The following CACNA1A variants were observed in gnomAD, a reference collection of about 807,000 sequenced individuals.
CACNA1A encodes calcium voltage-gated channel subunit alpha1 A.
Under a neutral mutation model 262.4 loss-of-function variants are expected in CACNA1A, and 57 were observed. The observed-to-expected ratio is 0.22, with a 90% CI of 0.18 to 0.27. CACNA1A has a LOEUF of 0.27. Ranked by LOEUF, CACNA1A falls within the 10% of genes least tolerant of loss-of-function variation. CACNA1A has a pLI of 1.00. For synonymous variants in CACNA1A, 1,431 were observed against 1,419.3 expected (o/e 1.01, Z -0.18); for missense variants, 2,526 against 3,562.8 (o/e 0.71, Z 7.41).
At chr19:13,244,950 T>C in intron 31 of CACNA1A, 1 of 566,166 alleles carries the variant, frequency 1.8e-6, no homozygotes, top group Non-Finnish European at 3.2e-6. Context: ...AGCCCACCCC[T>C]CAGTGCTGGC....
At chr19:13,311,075 G>T (rs762708735) in intron 12 of CACNA1A, among the ~76,000 whole-genome samples, 1 of 152,112 alleles carries the variant, frequency 6.6e-6, no homozygotes, top group African/African-American at 2.4e-5. Context: ...TTATAGGTGT[G>T]AGCCACTGTG....
At chr19:13,313,984 G>T (rs2058080819) in intron 11 of CACNA1A, among the ~76,000 whole-genome samples, 1 of 152,174 alleles carries the variant, frequency 6.6e-6, no homozygotes, top group South Asian at 2.1e-4. Context: ...CCTGTGTTGT[G>T]AGTGACCTAA....
intron 6 of CACNA1A, among the ~76,000 whole-genome samples, chr19:13,336,594 G>GGAGAGAGAGGGAGAGAGAGGGAGAGAGA (rs1555768093): frequency 6.1e-4 from 40 of 65,488 alleles, no homozygotes; most frequent in South Asian, 2.0e-3. Context: ...AGAGAGAGAG[G>GGAGAGAGAGGGAGAGAGAGGGAGAGAGA]GAGAGAGAGA....
intron 36 of CACNA1A, among the ~76,000 whole-genome samples, chr19:13,227,903 CTTTTTT>C (rs34218031): frequency 2.2e-4 from 16 of 74,262 alleles, no homozygotes; most frequent in African/African-American, 7.5e-4. Flanking sequence ...TGTTCATTGC[CTTTTTT>C]TTTTTTTTTT....
intron 3 of CACNA1A, among the ~76,000 whole-genome samples, chr19:13,417,889 CAAAAAAA>C (rs113789898): frequency 1.2e-5 from 1 of 83,426 alleles, no homozygotes; most frequent in African/African-American, 5.0e-5. Flanking sequence ...GACTCCATCT[CAAAAAAA>C]AAAAAAAAAA....
At chr19:13,293,683 C>A (rs1016841457) in intron 19 of CACNA1A, among the ~76,000 whole-genome samples, 1 of 150,284 alleles carries the variant, frequency 6.7e-6, no homozygotes, top group Non-Finnish European at 1.5e-5. Flanking sequence ...GTCTTGAACT[C>A]ATGACCTTGT....
At position 13,412,193 on chromosome 19, in the gene CACNA1A, C is replaced by T. The variant is rs533369282; in HGVS notation, c.540-40414G>A. Among the ~76,000 whole-genome samples the T allele has an allele frequency of 1.6e-4, 24 of 151,750 alleles. 1 individual carries two copies. Among genetic ancestry groups the T allele is most frequent in the Admixed American group, 3.9e-4 (6 of 15,196 alleles). On this transcript the variant is annotated intron_variant, in intron 3 of 46. Transcript: ENST00000360228. ...CTCCCAAATGAGATCCTTGTTTCCA[C>T]GCCGCCTCCAGTGTATTCTTTTTTA...
chr19:13,400,977 G>A (rs990087511), intron 3 of CACNA1A, among the ~76,000 whole-genome samples: 4 of 151,988 alleles, frequency 2.6e-5, no homozygotes, highest in South Asian at 2.1e-4. Context: ...GGCACCCACC[G>A]CCACACCCAG....
rs2057723453 is a variant in CACNA1A at position 13,298,698 on chromosome 19, G to A, written c.2935C>T (p.His979Tyr). ...PEDKAERRARHREGSRPARGG... is the reference protein window; with the variant it reads ...PEDKAERRARYREGSRPARGG... ...CGGGCCGGCCGGCTGCCCTCGCGGTGCCGCGCCCTCCGCTCCGCCTTGTCC... is the reference window on the plus strand; with the variant it reads ...CGGGCCGGCCGGCTGCCCTCGCGGTACCGCGCCCTCCGCTCCGCCTTGTCC... Residue 979 changes from histidine (H) to tyrosine (Y), a missense_variant, in exon 19 of 47, where the codon CAC (histidine) becomes TAC (tyrosine). By Grantham distance (83) the His-to-Tyr change is moderately conservative. Transcript: ENST00000360228. 1 of 1,460,138 alleles carries A rather than the reference G, an allele frequency of 6.8e-7. No homozygotes were observed. The highest frequency in any genetic ancestry group is 9.0e-7 in the Non-Finnish European group (1 of 1,110,516). The allele number at this position is 1,460,138 out of a possible 1,614,324, so 90.4% of individuals were successfully genotyped here. A position where few individuals can be genotyped will look rare whatever the true frequency, so the allele number is the denominator to read the frequency against.
rs1417739861 is a variant in CACNA1A, at chr19:13,212,598, A to G, written c.6050+33T>C. The stretch of plus-strand genomic sequence containing the variant: ...AGAACGTGGGGACCACGGCACCCCC[A>G]CACTCCACCTCCCTGGCAGGGGTGA... On this transcript the variant is annotated intron_variant, in intron 41 of 46. Transcript: ENST00000360228. The surrounding 1 kb of genome is among the most constrained non-coding windows in gnomAD (Gnocchi z 5.6). 3.3e-6 allele frequency: 5 copies of G among 1,509,372 alleles called. No homozygotes were observed. The highest frequency in any genetic ancestry group is 3.6e-6 in the Non-Finnish European group (4 of 1,121,894). 93.5% of individuals were successfully genotyped at this position (1,509,372 alleles called of 1,614,324 possible). A position where few individuals can be genotyped will look rare whatever the true frequency, so the allele number is the denominator to read the frequency against.
chr19:13,437,568 G>A (rs1198243838), intron 3 of CACNA1A, among the ~76,000 whole-genome samples: 1 of 151,582 alleles, frequency 6.6e-6, no homozygotes, highest in South Asian at 2.1e-4. Context: ...GCGTGCTCCT[G>A]TAATCCCAGC....
At chr19:13,412,016 T>TACAAAAAGTTTTAAAAATTAGC (rs1347037063) in intron 3 of CACNA1A, among the ~76,000 whole-genome samples, 1 of 150,618 alleles carries the variant, frequency 6.6e-6, no homozygotes, top group South Asian at 2.1e-4. Context: ...GTGCCTGGCC[T>TACAAAAAGTTTTAAAAATTAGC]CTCTCTTTCT....
chr19:13,461,340 A>AAAAACAAAACAAAAC lies in CACNA1A; in HGVS notation c.294-6143_294-6129dup, dbSNP rs59561044. 8.4e-3 allele frequency among the ~76,000 whole-genome samples: 1,244 copies of AAAAACAAAACAAAAC among 148,178 alleles called. 17 individuals carry two copies. The highest frequency in any genetic ancestry group is 0.026 in the African/African-American group (1,025 of 39,798). ...GGACAACAGAACGAGACTCCGTCTC[A>AAAAACAAAACAAAAC]AAAACAAAACAAAACAAAACAAAAC... On this transcript the variant is annotated intron_variant, in intron 1 of 46. Coordinates refer to ENST00000360228, the MANE Select transcript of CACNA1A (RefSeq NM_001127222.2).
intron 45 of CACNA1A, 103 bp downstream of exon 45, chr19:13,209,209 G>A: frequency 7.4e-7 from 1 of 1,356,162 alleles, no homozygotes; most frequent in Non-Finnish European, 9.8e-7. Flanking sequence ...TCTCCATGGA[G>A]GCCTCTCCCT....
At position 13,255,264 on chromosome 19, in the gene CACNA1A, G is replaced by A. The variant is rs199631921; in HGVS notation, c.4591-5C>T. The A allele has an allele frequency of 4.5e-5, 71 of 1,586,850 alleles. No homozygotes were observed. The highest frequency in any genetic ancestry group is 2.4e-4 in the African/African-American group (18 of 74,478). On this transcript the variant is annotated splice_region_variant and splice_polypyrimidine_tract_variant and intron_variant, in intron 28 of 46. Coordinates refer to ENST00000360228, the MANE Select transcript of CACNA1A (RefSeq NM_001127222.2). The stretch of plus-strand genomic sequence containing the variant: ...GGCGAAATCAATGCAGGCCCTCTGC[G>A]GGAGAGAGGCCAGTGGTGAGAGCGG...
At chr19:13,228,865 T>G (rs1202180254) in intron 36 of CACNA1A, 1 of 810,618 alleles carries the variant, frequency 1.2e-6, no homozygotes, top group Admixed American at 2.3e-5. Flanking sequence ...CACAGCGAGG[T>G]CATGATGCCC....
intron 37 of CACNA1A, 83 bp from the exon 38 acceptor site, chr19:13,224,855 G>T: frequency 1.1e-6 from 1 of 923,526 alleles, no homozygotes; most frequent in Non-Finnish European, 1.7e-6. Flanking sequence ...CCTACCCAGG[G>T]AGTCCCAGGA....
At chr19:13,211,273 G>A (rs927722522) in intron 43 of CACNA1A, 2 of 156,196 alleles carry the variant, frequency 1.3e-5, no homozygotes, top group Non-Finnish European at 2.8e-5. Flanking sequence ...ACCCGGGCCA[G>A]GCTCTCACAG....
rs184773250 is a variant in CACNA1A at position 13,249,625 on chromosome 19, G to A, written c.4866+3366C>T. Reference sequence around the variant, plus strand: ...CTGCCTCAGCCTCCCAAAGTGCTGCGATTACAGGTGTCAGCCACCGTGCCT... The same window carrying A: ...CTGCCTCAGCCTCCCAAAGTGCTGCAATTACAGGTGTCAGCCACCGTGCCT... On this transcript the variant is annotated intron_variant, in intron 30 of 46. Transcript: ENST00000360228. Among the ~76,000 whole-genome samples, 619 of 152,248 alleles carry A rather than the reference G, an allele frequency of 4.1e-3. 2 individuals carry two copies. The highest frequency in any genetic ancestry group is 0.013 in the African/African-American group (536 of 41,536).
Sources: gnomAD v4.1 joint callset for allele counts (sites outside exome capture counted in the v4.1 genomes callset) on GRCh38, gnomAD v4.1.1 for gene constraint, Gnocchi (gnomAD v3.1) non-coding constraint, MANE v1.5 for transcripts, NCBI Gene and HGNC (gene_info 2026-07-23, HGNC 2026-07-21) for gene names.